SOX6: variants seen among roughly 807,000 people sequenced by gnomAD.
The protein encoded by SOX6 is transcription factor SOX-6.
A neutral mutation model predicts 97.8 loss-of-function variants in SOX6; 11 were observed. The observed-to-expected ratio is 0.11, with a 90% CI of 0.07 to 0.19. The LOEUF (loss-of-function observed/expected upper bound fraction) is 0.19. Ranked by LOEUF, SOX6 falls within the 10% of genes least tolerant of loss-of-function variation. The pLI, the probability that SOX6 is intolerant of heterozygous loss-of-function variation, is 1.00. For synonymous variants in SOX6, 360 were observed against 371.4 expected, an observed-to-expected ratio of 0.97 and a Z score of 0.35; for missense variants, 810 against 1,039.5, an observed-to-expected ratio of 0.78 and a Z score of 3.04.
At chr11:16,199,527 T>A (rs898589633) in intron 4 of SOX6, among the ~76,000 whole-genome samples, 1 of 152,262 alleles carries the variant, frequency 6.6e-6, no homozygotes, top group South Asian at 2.1e-4. Context: ...AAACTATAAA[T>A]GTTTCTGGAA....
chr11:16,702,853 C>A (rs1291432572), intron 3 of SOX6, among the ~76,000 whole-genome samples: 1 of 151,064 alleles, frequency 6.6e-6, no homozygotes, highest in African/African-American at 2.4e-5. Context: ...TATTTTATAT[C>A]CCAATTGAAA....
intron 9 of SOX6, among the ~76,000 whole-genome samples, chr11:16,095,794 G>A (rs1385666683): frequency 6.6e-6 from 1 of 151,606 alleles, no homozygotes; most frequent in Non-Finnish European, 1.5e-5. Flanking sequence ...CCTTAATTCA[G>A]GGGCATTGCT....
chr11:16,129,348 CT>C (rs966205492), intron 6 of SOX6, among the ~76,000 whole-genome samples: 4 of 152,052 alleles, frequency 2.6e-5, no homozygotes, highest in African/African-American at 9.6e-5. Flanking sequence ...CTCTCTTCCT[CT>C]TTTTTTTCCC....
intron 3 of SOX6, among the ~76,000 whole-genome samples, chr11:16,291,276 T>TATATATATAC (rs1854899920): frequency 9.2e-6 from 1 of 109,064 alleles, no homozygotes; most frequent in African/African-American, 3.4e-5. Flanking sequence ...TATATATATA[T>TATATATATAC]ACGAGGTGTT....
intron 2 of SOX6, among the ~76,000 whole-genome samples, chr11:16,720,370 A>T (rs1183521642): frequency 4.4e-5 from 6 of 137,088 alleles, no homozygotes; most frequent in African/African-American, 1.4e-4. Flanking sequence ...GCCATAAAAA[A>T]TGATGAGTTC....
chr11:16,408,732 G>A (rs1858735584), intron 1 of SOX6: 1 of 151,360 alleles, frequency 6.6e-6, no homozygotes. Flanking sequence ...CAGAGTGATA[G>A]GGTCTCACTA....
intron 4 of SOX6, among the ~76,000 whole-genome samples, chr11:16,597,113 T>C (rs951537957): frequency 6.6e-6 from 1 of 152,248 alleles, no homozygotes; most frequent in East Asian, 1.9e-4. Flanking sequence ...GTATGGCTGG[T>C]AAGTTTATCT....
chr11:16,597,945 G>A (rs1848229289), intron 4 of SOX6, among the ~76,000 whole-genome samples: 1 of 151,910 alleles, frequency 6.6e-6, no homozygotes, highest in African/African-American at 2.4e-5. Flanking sequence ...AGAAAGTTAA[G>A]AACCTATATT....
At chr11:16,555,911 C>T (rs1847743729) in intron 4 of SOX6, among the ~76,000 whole-genome samples, 1 of 151,490 alleles carries the variant, frequency 6.6e-6, no homozygotes, top group African/African-American at 2.4e-5. Flanking sequence ...AATATTTCTC[C>T]TCAAGATTCT....
intron 3 of SOX6, among the ~76,000 whole-genome samples, chr11:16,278,729 C>A (rs1229508752): frequency 2.6e-5 from 4 of 151,794 alleles, no homozygotes. Context: ...GAAGAGAAAA[C>A]CTACAGGTCA....
intron 3 of SOX6, among the ~76,000 whole-genome samples, chr11:16,674,390 G>A (rs7111016): frequency 0.27 from 40,664 of 151,972 alleles, 6,081 homozygotes; most frequent in East Asian, 0.48. Context: ...GGTATGGTAG[G>A]AACATATCTC....
chr11:16,049,749 A>G lies in SOX6; in HGVS notation c.1435+6T>C, dbSNP rs375685786. 7.4e-6 allele frequency: 12 copies of G among 1,613,154 alleles called. No individual in the cohort carries two copies. The African/African-American group carries it at 8.0e-5, about 11-fold the overall frequency. On this transcript the variant is annotated splice_donor_region_variant and intron_variant, in intron 11 of 15. Coordinates refer to ENST00000683767, the MANE Select transcript of SOX6 (RefSeq NM_001367873.1). ...GTCTCTTCCTGGTGTTGACTTTTCC[A>G]TTTACCTAAAGAGGATCCTCTTCCC...
At chr11:16,363,957 A>G (rs1857277463) in intron 1 of SOX6, among the ~76,000 whole-genome samples, 1 of 152,118 alleles carries the variant, frequency 6.6e-6, no homozygotes, top group African/African-American at 2.4e-5. Flanking sequence ...ACTTAGCCAG[A>G]TGTTCTTTTC....
intron 1 of SOX6, among the ~76,000 whole-genome samples, chr11:16,470,060 G>T (rs1166555063): frequency 2.0e-5 from 3 of 152,096 alleles, no homozygotes; most frequent in Non-Finnish European, 4.4e-5. Context: ...ATGTATAGTA[G>T]CTGTGTGTAT....
At chr11:16,173,609 T>C (rs1328108594) in intron 6 of SOX6, among the ~76,000 whole-genome samples, 2 of 109,434 alleles carry the variant, frequency 1.8e-5, no homozygotes, top group Non-Finnish European at 3.9e-5. Flanking sequence ...TAGAAAAGTG[T>C]TTGTTTTTTT....
intron 4 of SOX6, among the ~76,000 whole-genome samples, chr11:16,198,807 A>T (rs1377977365): frequency 6.6e-6 from 1 of 152,232 alleles, no homozygotes; most frequent in East Asian, 1.9e-4. Context: ...TGTTTTCCCT[A>T]CTACACTCTC....
chr11:16,287,257 GTCTCTCTCTCTCTCTCTCTC>G (rs56921161), intron 3 of SOX6, among the ~76,000 whole-genome samples: 40 of 120,570 alleles, frequency 3.3e-4, no homozygotes, highest in Middle Eastern at 4.3e-3. Flanking sequence ...TCTTCTCTCT[GTCTCTCTCTCTCTCTCTCTC>G]TCTCTCTCTC....
intron 1 of SOX6, among the ~76,000 whole-genome samples, chr11:16,352,118 T>C (rs7113955): frequency 0.19 from 28,157 of 152,022 alleles, 2,901 homozygotes; most frequent in Admixed American, 0.3. Context: ...TTGCACACAC[T>C]CTGGACAATA....
intron 3 of SOX6, among the ~76,000 whole-genome samples, chr11:16,307,208 G>A (rs1249296607): frequency 2.0e-5 from 3 of 152,108 alleles, no homozygotes; most frequent in Non-Finnish European, 4.4e-5. Flanking sequence ...GATATCATTA[G>A]CCAGATACCA....
Sources: gnomAD v4.1 joint callset for allele counts (sites outside exome capture counted in the v4.1 genomes callset) on GRCh38, gnomAD v4.1.1 for gene constraint, MANE v1.5 for transcripts, NCBI Gene and HGNC (gene_info 2026-07-23, HGNC 2026-07-21) for gene names.